ZNF140: variants seen among roughly 807,000 people sequenced by gnomAD.
ZNF140 encodes zinc finger protein 140.
ZNF140 carries 13 observed loss-of-function variants against 12.9 expected under a neutral mutation model. The observed-to-expected ratio is 1.01, with a 90% CI of 0.66 to 1.60. The LOEUF is 1.60. Ranked by LOEUF, ZNF140 falls within the 40% of genes most tolerant of loss-of-function variation. The pLI is 0.00. For missense variants in ZNF140, 531 were observed against 548.8 expected (o/e 0.97, Z 0.32); for synonymous variants, 214 against 186.7 (o/e 1.15, Z -1.19).
chr12:133,091,137 A>AGTGGG (rs1275113429), intron 4 of ZNF140, among the ~76,000 whole-genome samples: 1 of 150,008 alleles, frequency 6.7e-6, no homozygotes, highest in East Asian at 1.9e-4. Context: ...GGGGACGGTC[A>AGTGGG]GGTCTTTCTC....
chr12:133,090,738 A>C (rs1954831090), intron 4 of ZNF140, among the ~76,000 whole-genome samples: 1 of 147,826 alleles, frequency 6.8e-6, no homozygotes, highest in East Asian at 1.9e-4. Flanking sequence ...TTATTTCAGC[A>C]AAAAGGAATG....
intron 4 of ZNF140, among the ~76,000 whole-genome samples, chr12:133,101,918 G>C (rs777090427): frequency 6.6e-6 from 1 of 150,982 alleles, no homozygotes; most frequent in Non-Finnish European, 1.5e-5. Context: ...CATTCCTACC[G>C]TATCTGTCTC....
intron 4 of ZNF140, among the ~76,000 whole-genome samples, chr12:133,099,944 T>C (rs920995986): frequency 6.6e-6 from 1 of 151,904 alleles, no homozygotes; most frequent in Non-Finnish European, 1.5e-5. Flanking sequence ...TTTTTTTTTT[T>C]TCTCTCAGCA....
At chr12:133,101,811 C>A (rs747432490) in intron 4 of ZNF140, among the ~76,000 whole-genome samples, 1 of 152,166 alleles carries the variant, frequency 6.6e-6, no homozygotes, top group South Asian at 2.1e-4. Flanking sequence ...TATCTCCTTA[C>A]ATTATCCATC....
At chr12:133,097,886 G>C (rs1955193010) in intron 4 of ZNF140, among the ~76,000 whole-genome samples, 1 of 144,854 alleles carries the variant, frequency 6.9e-6, no homozygotes, top group Admixed American at 7.0e-5. Flanking sequence ...GCCCAGACTG[G>C]AGTGCAGTGG....
At chr12:133,105,209 G>A (rs1263465661) in intron 4 of ZNF140, among the ~76,000 whole-genome samples, 5 of 152,142 alleles carry the variant, frequency 3.3e-5, no homozygotes, top group Admixed American at 6.5e-5. Flanking sequence ...AGTAAATACC[G>A]TTTAAATGGT....
rs540324482 is a variant in ZNF140, at chr12:133,101,342, C to CT, written c.233-4160dup. 2.4e-4 allele frequency among the ~76,000 whole-genome samples: 36 copies of CT among 151,930 alleles called. 1 individual carries two copies. In the South Asian group the frequency reaches 3.8e-3, roughly 16 times the overall value. ...CCTACAGTTCTTGGATAATCTGTTC[C>CT]TTTTTTTTCCCTCAATATTTTATCT... On this transcript the variant is annotated intron_variant, in intron 4 of 4. Transcript: ENST00000355557.
chr12:133,080,918 C>T (rs878952927), upstream of ZNF140: 1 of 152,060 alleles, frequency 6.6e-6, no homozygotes, highest in Non-Finnish European at 1.5e-5. Context: ...GGGGCGGCGC[C>T]GAGCGTCTGG....
intron 4 of ZNF140, among the ~76,000 whole-genome samples, chr12:133,093,133 A>G (rs937766045): frequency 2.0e-5 from 3 of 151,250 alleles, no homozygotes; most frequent in Non-Finnish European, 4.4e-5. Flanking sequence ...GAGGATAATG[A>G]TACCCAATGG....
At chr12:133,083,801 T>C (rs774226304) in intron 4 of ZNF140, among the ~76,000 whole-genome samples, 13 of 151,948 alleles carry the variant, frequency 8.6e-5, no homozygotes, top group Non-Finnish European at 1.6e-4. Flanking sequence ...CTGCTAAAAA[T>C]ACAAAAAAAT....
intron 4 of ZNF140, among the ~76,000 whole-genome samples, chr12:133,103,955 G>C (rs1275888777): frequency 6.6e-6 from 1 of 152,100 alleles, no homozygotes; most frequent in Non-Finnish European, 1.5e-5. Flanking sequence ...TCCCCATCTT[G>C]ATCTTTCATG....
chr12:133,091,148 AT>A (rs1394652039), intron 4 of ZNF140, among the ~76,000 whole-genome samples: 2 of 149,994 alleles, frequency 1.3e-5, no homozygotes, highest in Non-Finnish European at 3.0e-5. Context: ...GGTCTTTCTC[AT>A]CCCACGAGGC....
At chr12:133,081,101 G>C (rs1954458604) in intron 1 of ZNF140, 29 bp downstream of exon 1, 1 of 257,838 alleles carries the variant, frequency 3.9e-6, no homozygotes, top group African/African-American at 2.3e-5. Flanking sequence ...GGCGCGCCGT[G>C]GCAGGAAGAG....
rs150988045 is a variant in ZNF140 at position 133,102,750 on chromosome 12, TAAAA to T, written c.233-2749_233-2746del. ...GGTGACAGAGCGAGACTCCGTTTCT[TAAAA>T]AAAAAAAAAAGAAAAAAGAAACCTT... is the stretch of plus-strand genomic sequence containing the variant. On this transcript the variant is annotated intron_variant, in intron 4 of 4. Coordinates refer to ENST00000355557, the MANE Select transcript of ZNF140 (RefSeq NM_003440.4). 1.3e-4 allele frequency among the ~76,000 whole-genome samples: 18 copies of T among 136,752 alleles called. No individual in the cohort carries two copies. The Middle Eastern group carries it at 0.011, about 82-fold the overall frequency. 89.7% of individuals were successfully genotyped at this position (136,752 alleles called of 152,430 possible).
intron 4 of ZNF140, among the ~76,000 whole-genome samples, chr12:133,087,066 A>C (rs1274664935): frequency 6.6e-6 from 1 of 152,094 alleles, no homozygotes; most frequent in Non-Finnish European, 1.5e-5. Context: ...TTTTTCTCTG[A>C]ATTATTTTAA....
chr12:133,087,997 G>C (rs1216158578), intron 4 of ZNF140, among the ~76,000 whole-genome samples: 5 of 152,040 alleles, frequency 3.3e-5, no homozygotes, highest in African/African-American at 1.2e-4. Context: ...GGGTGTGGTG[G>C]TGTGCGCCTG....
intron 4 of ZNF140, among the ~76,000 whole-genome samples, chr12:133,094,357 G>A (rs1264151491): frequency 6.6e-6 from 1 of 150,922 alleles, no homozygotes; most frequent in Non-Finnish European, 1.5e-5. Flanking sequence ...TCAAAATCCT[G>A]TTTTGCCACA....
chr12:133,104,412 C>T lies in ZNF140; in HGVS notation c.233-1098C>T, dbSNP rs753701556. Among the ~76,000 whole-genome samples the T allele has an allele frequency of 2.4e-4, 36 of 149,592 alleles. No homozygotes were observed. In the South Asian group the frequency reaches 2.7e-3, roughly 11 times the overall value. ...TGTCACCCAGGTTGGAGTGCAGTGGCGCAATCTCGGTTCACCGCAACCTCT... is the reference window on the plus strand; with the variant it reads ...TGTCACCCAGGTTGGAGTGCAGTGGTGCAATCTCGGTTCACCGCAACCTCT... On this transcript the variant is annotated intron_variant, in intron 4 of 4. Coordinates refer to ENST00000355557, the MANE Select transcript of ZNF140 (RefSeq NM_003440.4).
At chr12:133,093,899 C>A (rs1206738636) in intron 4 of ZNF140, among the ~76,000 whole-genome samples, 1 of 151,060 alleles carries the variant, frequency 6.6e-6, no homozygotes, top group Non-Finnish European at 1.5e-5. Context: ...GCCAGTCTCA[C>A]TTTCTGTGTC....
Sources: allele counts gnomAD v4.1 joint callset (sites outside exome capture counted in the v4.1 genomes callset), GRCh38; gene constraint gnomAD v4.1.1; transcripts MANE v1.5; gene names NCBI Gene and HGNC (gene_info 2026-07-23, HGNC 2026-07-21).